Variants in UBE2Q2 observed in about 807,000 individuals in gnomAD.
The protein encoded by UBE2Q2 is ubiquitin-conjugating enzyme E2 Q2.
UBE2Q2 carries 54 observed loss-of-function variants against 59.9 expected under a neutral mutation model. The observed-to-expected ratio is 0.90, with a 90% CI of 0.72 to 1.13. The LOEUF is 1.13. UBE2Q2 is among the 50% of genes most tolerant of loss of function. The pLI is 0.00. For synonymous variants in UBE2Q2, 165 were observed against 155.2 expected (o/e 1.06, Z -0.47); for missense variants, 433 against 441.9 (o/e 0.98, Z 0.18).
At position 75,879,097 on chromosome 15, in the gene UBE2Q2, G is replaced by T; in HGVS notation, c.735-1G>T. ...ACTGTTTTTTGTTTTGTAATTCTTA[G>T]GGTTGACCCTGATAGTCCTTTGCAC... On this transcript the variant is annotated splice_acceptor_variant, in intron 7 of 12. Transcript: ENST00000267938. LOFTEE classifies it high-confidence loss of function. 1.9e-6 allele frequency: 3 copies of T among 1,555,540 alleles called. No individual in the cohort carries two copies. The highest frequency in any genetic ancestry group is 1.7e-6 in the Non-Finnish European group (2 of 1,155,728).
chr15:75,891,075 T>G, intron 11 of UBE2Q2, 61 bp downstream of exon 11: 1 of 1,330,436 alleles, frequency 7.5e-7, no homozygotes, highest in South Asian at 1.3e-5. Context: ...TTTATAAGCT[T>G]TCTTCCTGTC....
At chr15:75,863,112 T>G (rs891621689) in intron 3 of UBE2Q2, among the ~76,000 whole-genome samples, 6 of 152,210 alleles carry the variant, frequency 3.9e-5, no homozygotes, top group African/African-American at 1.4e-4. Flanking sequence ...AGGCTTTTGT[T>G]AATCTGTTTA....
intron 12 of UBE2Q2, among the ~76,000 whole-genome samples, 200 bp downstream of exon 12, chr15:75,897,261 C>T (rs1420257001): frequency 5.3e-5 from 8 of 151,184 alleles, no homozygotes; most frequent in Non-Finnish European, 8.9e-5. Context: ...TTTTTTGAGA[C>T]GGAGTCTCGC....
At position 75,897,000 on chromosome 15, in the gene UBE2Q2, A is replaced by C. The variant is rs765687117; in HGVS notation, c.1035A>C (p.Gln345His). 1.3e-6 allele frequency: 2 copies of C among 1,558,128 alleles called. No individual in the cohort carries two copies. The highest frequency in any genetic ancestry group is 8.7e-7 in the Non-Finnish European group (1 of 1,146,868). ...ARVQFGANKN[Q>H]YNLARAQQSY... ...AATGTGTAATTCTCTTTCAGAATCAATATAATCTAGCAAGAGCCCAACAAT... is the reference window on the plus strand; with the variant it reads ...AATGTGTAATTCTCTTTCAGAATCACTATAATCTAGCAAGAGCCCAACAAT... The change falls in exon 12 of 13, where the codon CAA becomes CAC. Residue 345 changes from glutamine (Q) to histidine (H), a missense_variant. Transcript: ENST00000267938.
In UBE2Q2 at chr15:75,859,975, C is replaced by T. The variant is rs781193956; in HGVS notation, c.380C>T (p.Thr127Met). The T allele has an allele frequency of 8.2e-6, 13 of 1,593,152 alleles. No homozygotes were observed. Among genetic ancestry groups the T allele is most frequent in the South Asian group, 4.7e-5 (4 of 85,610 alleles). The change falls in exon 3 of 13, where the codon ACG (threonine) becomes ATG (methionine). Residue 127 changes from threonine (T) to methionine (M), a missense_variant. Physicochemically the swap from Thr to Met is moderately conservative, Grantham distance 81. Transcript: ENST00000267938. Reference sequence around the variant, plus strand: ...GAGATGCTAGATCAACCACTACCCACGGGTCAGGTAAAGTAAAAATTCTCT... The same window carrying T: ...GAGATGCTAGATCAACCACTACCCATGGGTCAGGTAAAGTAAAAATTCTCT... ...DVEMLDQPLP[T>M]GQNGTTEEVT...
chr15:75,847,739 C>T (rs71403520), intron 1 of UBE2Q2, among the ~76,000 whole-genome samples: 8,360 of 152,048 alleles, frequency 0.055, 339 homozygotes, highest in Middle Eastern at 0.099. Context: ...TCCATTACTC[C>T]TTTTATGGAC....
At chr15:75,877,825 A>G (rs759922031) in intron 6 of UBE2Q2, 136 bp from the exon 7 acceptor site, 71 of 597,724 alleles carry the variant, frequency 1.2e-4, no homozygotes, top group Middle Eastern at 8.6e-4. Context: ...TGTAATATTT[A>G]CTATATAGCT....
At chr15:75,883,998 G>A (rs1898611524) in intron 9 of UBE2Q2, among the ~76,000 whole-genome samples, 1 of 152,140 alleles carries the variant, frequency 6.6e-6, no homozygotes, top group Admixed American at 6.5e-5. Flanking sequence ...GTACTTTTAG[G>A]GATAATCATG....
intron 11 of UBE2Q2, among the ~76,000 whole-genome samples, chr15:75,893,189 GAATT>G (rs2141673051): frequency 6.6e-6 from 1 of 152,290 alleles, no homozygotes; most frequent in South Asian, 2.1e-4. Context: ...CAGTTAGATT[GAATT>G]AATAAAATCC....
chr15:75,844,102 C>T (rs1896180007), intron 1 of UBE2Q2: 4 of 1,415,452 alleles, frequency 2.8e-6, no homozygotes, highest in Non-Finnish European at 9.2e-7. Flanking sequence ...ATCTCGGTCC[C>T]CGTCTCCTAG....
intron 4 of UBE2Q2, 82 bp from the exon 5 acceptor site, chr15:75,873,346 G>C: frequency 7.3e-7 from 1 of 1,376,380 alleles, no homozygotes; most frequent in Non-Finnish European, 9.9e-7. Context: ...TTTGAGTCAA[G>C]AATAATTTAA....
At chr15:75,854,566 A>T (rs1896807062) in intron 2 of UBE2Q2, 79 bp downstream of exon 2, 1 of 818,604 alleles carries the variant, frequency 1.2e-6, no homozygotes, top group Admixed American at 2.8e-5. Flanking sequence ...AGATAATATG[A>T]TATAAAAGCA....
chr15:75,894,346 T>TG (rs1899274472), intron 11 of UBE2Q2, among the ~76,000 whole-genome samples: 2 of 152,188 alleles, frequency 1.3e-5, no homozygotes, highest in East Asian at 1.9e-4. Context: ...GATGAGTGGA[T>TG]GGCCTGAGCT....
At chr15:75,874,768 G>A (rs937831823) in intron 5 of UBE2Q2, among the ~76,000 whole-genome samples, 1 of 152,172 alleles carries the variant, frequency 6.6e-6, no homozygotes, top group African/African-American at 2.4e-5. Context: ...AAAATGCTCA[G>A]AGTAGGGAAA....
At chr15:75,874,995 G>A (rs1367151346) in intron 5 of UBE2Q2, among the ~76,000 whole-genome samples, 3 of 152,096 alleles carry the variant, frequency 2.0e-5, no homozygotes, top group African/African-American at 7.2e-5. Context: ...ATAATTTTTA[G>A]TAGAGCAAAG....
intron 9 of UBE2Q2, 118 bp downstream of exon 9, chr15:75,883,542 T>G: frequency 2.9e-6 from 2 of 694,506 alleles, no homozygotes; most frequent in Non-Finnish European, 4.9e-6. Flanking sequence ...GCTCAAGTGA[T>G]CCTCCCACCT....
chr15:75,852,551 A>ATGTT (rs1896684159), intron 1 of UBE2Q2, among the ~76,000 whole-genome samples: 1 of 152,208 alleles, frequency 6.6e-6, no homozygotes, highest in African/African-American at 2.4e-5. Flanking sequence ...GAAGACATGT[A>ATGTT]TGTTTCTTGG....
At chr15:75,848,749 G>T (rs934498475) in intron 1 of UBE2Q2, among the ~76,000 whole-genome samples, 4 of 152,106 alleles carry the variant, frequency 2.6e-5, no homozygotes, top group African/African-American at 4.8e-5. Context: ...GTGGGGAATT[G>T]AGTTGAATGG....
intron 2 of UBE2Q2, among the ~76,000 whole-genome samples, chr15:75,858,131 T>C (rs1287881800): frequency 2.0e-5 from 3 of 152,206 alleles, no homozygotes; most frequent in Non-Finnish European, 2.9e-5. Context: ...CTACTTCTTC[T>C]CTTCTCATTC....
Sources: allele counts gnomAD v4.1 joint callset (sites outside exome capture counted in the v4.1 genomes callset), GRCh38; gene constraint gnomAD v4.1.1; transcripts MANE v1.5; gene names NCBI Gene and HGNC (gene_info 2026-07-23, HGNC 2026-07-21).